CTNNA2: variants seen among roughly 807,000 people sequenced by gnomAD.
CTNNA2 encodes catenin alpha-2.
Under a neutral mutation model 101.0 loss-of-function variants are expected in CTNNA2, and 42 were observed. The observed-to-expected ratio is 0.42, with a 90% CI of 0.32 to 0.54. CTNNA2 has a LOEUF of 0.54. Among genes scored for constraint, CTNNA2 ranks in the 20% least tolerant of loss-of-function variants. CTNNA2 has a pLI of 0.14. For synonymous variants in CTNNA2, 450 were observed against 456.4 expected (o/e 0.99, Z 0.18); for missense variants, 871 against 1,223.1 (o/e 0.71, Z 4.29).
At chr2:79,630,675 T>A (rs1304991330) in intron 1 of CTNNA2, among the ~76,000 whole-genome samples, 1 of 152,240 alleles carries the variant, frequency 6.6e-6, no homozygotes, top group Non-Finnish European at 1.5e-5. Flanking sequence ...TGTGAATTAT[T>A]TTGTGTAATT....
chr2:80,429,625 C>T (rs1681306679), intron 9 of CTNNA2, among the ~76,000 whole-genome samples: 2 of 152,292 alleles, frequency 1.3e-5, no homozygotes, highest in South Asian at 4.1e-4. Flanking sequence ...TCTCTGAAAT[C>T]ACATTTTAGA....
At chr2:79,885,076 A>C (rs1683750990) in intron 6 of CTNNA2, among the ~76,000 whole-genome samples, 1 of 152,158 alleles carries the variant, frequency 6.6e-6, no homozygotes, top group African/African-American at 2.4e-5. Context: ...TTCACATGGC[A>C]GCAGTCATTT....
intron 3 of CTNNA2, among the ~76,000 whole-genome samples, chr2:79,328,916 A>G (rs183568864): frequency 1.2e-4 from 19 of 152,236 alleles, no homozygotes; most frequent in Admixed American, 1.1e-3. Flanking sequence ...GTGCTTGCTG[A>G]TAATTCCTTG....
At chr2:79,975,455 T>G (rs896938147) in intron 7 of CTNNA2, among the ~76,000 whole-genome samples, 2 of 152,116 alleles carry the variant, frequency 1.3e-5, no homozygotes, top group Non-Finnish European at 1.5e-5. Context: ...AGACACCAGC[T>G]GGGTGTCCTC....
chr2:79,810,272 G>A (rs1452623300), intron 3 of CTNNA2, among the ~76,000 whole-genome samples: 1 of 152,046 alleles, frequency 6.6e-6, no homozygotes, highest in African/African-American at 2.4e-5. Flanking sequence ...ATGGCAGAAG[G>A]CAAAAGGTCT....
intron 4 of CTNNA2, among the ~76,000 whole-genome samples, chr2:79,458,467 A>C (rs1670847359): frequency 6.6e-6 from 1 of 152,150 alleles, no homozygotes; most frequent in Non-Finnish European, 1.5e-5. Context: ...TGTGTGCATT[A>C]GTGAGATTTT....
In CTNNA2 at chr2:79,461,375, G is replaced by C. The variant is rs545987266; in HGVS notation, c.-134-43679G>C. 5.3e-5 allele frequency among the ~76,000 whole-genome samples: 8 copies of C among 152,276 alleles called. No homozygotes were observed. In the South Asian group the frequency reaches 1.5e-3, roughly 28 times the overall value. ...TTCACTTGGATACTTCAGAAGAGAG[G>C]TTCCCTGGCAGTGTGCGAGTGCTTA... On this transcript the variant is annotated intron_variant, in intron 4 of 21. Transcript: ENST00000466387.
intron 4 of CTNNA2, among the ~76,000 whole-genome samples, chr2:79,503,950 G>T (rs1406853498): frequency 6.6e-6 from 1 of 152,108 alleles, no homozygotes; most frequent in African/African-American, 2.4e-5. Context: ...GAGACAGAGA[G>T]AATTATATCT....
chr2:79,519,073 A>G (rs1281172078), intron 1 of CTNNA2, among the ~76,000 whole-genome samples: 1 of 151,936 alleles, frequency 6.6e-6, no homozygotes, highest in Non-Finnish European at 1.5e-5. Flanking sequence ...TACTAAAAAT[A>G]CAAAAATTAG....
At chr2:80,393,058 A>G (rs1159502520) in intron 7 of CTNNA2, among the ~76,000 whole-genome samples, 153 bp from the exon 8 acceptor site, 1 of 152,208 alleles carries the variant, frequency 6.6e-6, no homozygotes, top group African/African-American at 2.4e-5. Flanking sequence ...AACCAACTTT[A>G]GAGACCAAAT....
At chr2:80,145,351 A>G (rs1262278650) in intron 7 of CTNNA2, among the ~76,000 whole-genome samples, 2 of 152,150 alleles carry the variant, frequency 1.3e-5, no homozygotes, top group Non-Finnish European at 2.9e-5. Context: ...ATTTATTGAG[A>G]GTCCACTGGT....
At chr2:79,652,076 G>A (rs534621371) in intron 2 of CTNNA2, among the ~76,000 whole-genome samples, 1 of 152,284 alleles carries the variant, frequency 6.6e-6, no homozygotes, top group Non-Finnish European at 1.5e-5. Context: ...TCCTGTTGGA[G>A]TGATGAGATG....
chr2:80,581,502 A>C (rs761771107), intron 13 of CTNNA2, among the ~76,000 whole-genome samples: 4 of 152,084 alleles, frequency 2.6e-5, no homozygotes, highest in Non-Finnish European at 5.9e-5. Context: ...ATAATAAATA[A>C]AATATATTTT....
chr2:80,324,297 C>A (rs1259080138), intron 7 of CTNNA2, among the ~76,000 whole-genome samples: 2 of 152,140 alleles, frequency 1.3e-5, no homozygotes, highest in African/African-American at 2.4e-5. Context: ...CCGCTGCTCG[C>A]AGTGTGAGGC....
intron 7 of CTNNA2, among the ~76,000 whole-genome samples, chr2:80,037,799 T>C (rs1695768036): frequency 6.6e-6 from 1 of 152,202 alleles, no homozygotes; most frequent in African/African-American, 2.4e-5. Flanking sequence ...AAAAAATTAG[T>C]TTTCTTATCA....
At chr2:79,818,895 G>GCACACACACACACACA (rs56218833) in intron 3 of CTNNA2, among the ~76,000 whole-genome samples, 17 of 125,552 alleles carry the variant, frequency 1.4e-4, no homozygotes, top group African/African-American at 5.2e-4. Context: ...AGCACTAATA[G>GCACACACACACACACA]CACACACACA....
intron 7 of CTNNA2, among the ~76,000 whole-genome samples, chr2:79,932,461 G>A (rs1180018815): frequency 6.6e-6 from 1 of 151,798 alleles, no homozygotes; most frequent in African/African-American, 2.4e-5. Flanking sequence ...CACCTATGCT[G>A]AGATACTTGT....
intron 7 of CTNNA2, among the ~76,000 whole-genome samples, chr2:79,932,427 T>C (rs1205036489): frequency 2.0e-5 from 3 of 152,128 alleles, no homozygotes; most frequent in Non-Finnish European, 4.4e-5. Context: ...AGGTTTTGTC[T>C]TTTAACTCCG....
intron 4 of CTNNA2, among the ~76,000 whole-genome samples, chr2:79,479,910 G>A (rs996605600): frequency 5.3e-5 from 8 of 151,796 alleles, no homozygotes; most frequent in African/African-American, 1.7e-4. Flanking sequence ...GCGACAAAGT[G>A]AGACTCCATC....
Sources: allele counts gnomAD v4.1 joint callset (sites outside exome capture counted in the v4.1 genomes callset), GRCh38; gene constraint gnomAD v4.1.1; transcripts MANE v1.5; gene names NCBI Gene and HGNC (gene_info 2026-07-23, HGNC 2026-07-21).